The following DCAF5 variants were observed in gnomAD, a reference collection of about 807,000 sequenced individuals.
DCAF5 encodes the protein DDB1- and CUL4-associated factor 5.
DCAF5 carries 9 observed loss-of-function variants against 80.7 expected under a neutral mutation model. The observed-to-expected ratio is 0.11, with a 90% CI of 0.07 to 0.19. The LOEUF (loss-of-function observed/expected upper bound fraction) is 0.19, where lower values mean the gene tolerates loss of function less well. DCAF5 is among the 10% of genes least tolerant of loss of function. The probability of loss-of-function intolerance (pLI) is 1.00; values close to 1 mark genes in which losing one functional copy is unlikely to be tolerated. For synonymous variants in DCAF5, 433 were observed against 461.9 expected (o/e 0.94, Z 0.80); for missense variants, 842 against 1,205.7 (o/e 0.70, Z 4.47).
chr14:69,106,342 C>T (rs969060116), intron 5 of DCAF5, among the ~76,000 whole-genome samples: 2 of 152,020 alleles, frequency 1.3e-5, no homozygotes, highest in Non-Finnish European at 2.9e-5. Flanking sequence ...AGGCATGAGC[C>T]ACCGTGCCCA....
At chr14:69,122,406 A>T (rs751062441) in intron 1 of DCAF5, 46 bp from the exon 2 acceptor site, 2 of 1,580,582 alleles carry the variant, frequency 1.3e-6, no homozygotes, top group Non-Finnish European at 1.7e-6. Flanking sequence ...CTGACATCGC[A>T]AGGCTGACAG....
chr14:69,130,256 T>C (rs2041001369), intron 1 of DCAF5, among the ~76,000 whole-genome samples: 1 of 152,226 alleles, frequency 6.6e-6, no homozygotes. Flanking sequence ...TATCATTGTT[T>C]GAAGAGCCAA....
At chr14:69,140,673 T>A (rs1379911881) in intron 1 of DCAF5, among the ~76,000 whole-genome samples, 2 of 152,204 alleles carry the variant, frequency 1.3e-5, no homozygotes, top group Middle Eastern at 6.8e-3. Context: ...TAATAAGAAC[T>A]ATAAGATGAT....
At chr14:69,111,375 T>G (rs1307889600) in intron 5 of DCAF5, among the ~76,000 whole-genome samples, 1 of 152,166 alleles carries the variant, frequency 6.6e-6, no homozygotes, top group South Asian at 2.1e-4. Flanking sequence ...TTTACACAAG[T>G]GAAAGCACCG....
chr14:69,062,470 T>G lies in DCAF5; in HGVS notation c.988A>C (p.Lys330Gln). Residue 330 changes from lysine to glutamine, a missense_variant, in exon 8 of 9, where the codon AAA becomes CAA. This residue lies in a region of DCAF5 where 65 missense variants were observed against 191.3 expected (regional missense o/e 0.34). Coordinates refer to ENST00000341516, the MANE Select transcript of DCAF5 (RefSeq NM_003861.3). ...TGGTTAACAATAGATCGATGCCCTT[T>G]CAGCACCATGAAGGCTCCGTTGACC... ...RVVNGAFMVLKGHRSIVNQVR... is the reference protein window; with the variant it reads ...RVVNGAFMVLQGHRSIVNQVR... 1 of 1,613,734 alleles carries G rather than the reference T, an allele frequency of 6.2e-7. No individual in the cohort carries two copies. The highest frequency in any genetic ancestry group is 8.5e-7 in the Non-Finnish European group (1 of 1,179,722).
rs533236412 is a variant in DCAF5 at position 69,052,545 on chromosome 14, T to C, written c.*1312A>G. On this transcript the variant is annotated 3_prime_UTR_variant, in exon 9 of 9. Coordinates refer to ENST00000341516, the MANE Select transcript of DCAF5 (RefSeq NM_003861.3). ...CCTTCCTGTTTTGCACAACCCTTCATAGATAACCGAGTGACTGCAACGCTG... is the reference window on the plus strand; with the variant it reads ...CCTTCCTGTTTTGCACAACCCTTCACAGATAACCGAGTGACTGCAACGCTG... 2 of 152,792 alleles carry C rather than the reference T, an allele frequency of 1.3e-5. No homozygotes were observed. The highest frequency in any genetic ancestry group is 2.1e-4 in the South Asian group (1 of 4,828). The allele number at this position is 152,792 out of a possible 1,614,324, so 9.5% of individuals were successfully genotyped here.
intron 7 of DCAF5, among the ~76,000 whole-genome samples, chr14:69,069,638 T>C (rs2038605543): frequency 6.6e-6 from 1 of 152,172 alleles, no homozygotes; most frequent in Admixed American, 6.5e-5. Flanking sequence ...CTTTTCTTCT[T>C]TCTTTTTATT....
intron 6 of DCAF5, among the ~76,000 whole-genome samples, chr14:69,080,131 T>C (rs1198127532): frequency 6.6e-6 from 1 of 152,082 alleles, no homozygotes; most frequent in Non-Finnish European, 1.5e-5. Context: ...TTTTTAAGCT[T>C]TGTGGAAATA....
At chr14:69,120,493 G>A (rs80123288) in intron 2 of DCAF5, among the ~76,000 whole-genome samples, 6,440 of 152,094 alleles carry the variant, frequency 0.042, 176 homozygotes, top group African/African-American at 0.076. Flanking sequence ...TCTATCAAAG[G>A]ATATAAATTA....
chr14:69,054,163 G>T lies in DCAF5; in HGVS notation c.2523C>A (p.Pro841=), dbSNP rs1369840732. 1 of 1,614,236 alleles carries T rather than the reference G, an allele frequency of 6.2e-7. No homozygotes were observed. Among genetic ancestry groups the T allele is most frequent in the South Asian group, 1.1e-5 (1 of 91,090 alleles). ...TCTGCCCGTTATTGTGAGGGTGAGG[G>T]GGACGAGGGTGTAAGCGTCCATTGT... ...NHNNGRLHPR[P]PHPHNNGQNL... Residue 841 remains proline, a synonymous_variant, in exon 9 of 9, where the codon CCC becomes CCA. Transcript: ENST00000341516.
chr14:69,117,816 G>A (rs1485609331), intron 4 of DCAF5, among the ~76,000 whole-genome samples: 3 of 152,064 alleles, frequency 2.0e-5, no homozygotes, highest in South Asian at 2.1e-4. Flanking sequence ...AGTGCATAAC[G>A]CCCCCATTCT....
intron 5 of DCAF5, among the ~76,000 whole-genome samples, chr14:69,100,160 A>AT (rs2039900844): frequency 6.6e-6 from 1 of 152,364 alleles, no homozygotes; most frequent in Admixed American, 6.5e-5. Context: ...AGGAAGATAC[A>AT]TTAACTAGAC....
At chr14:69,092,996 T>C (rs2039585556) in intron 5 of DCAF5, among the ~76,000 whole-genome samples, 1 of 152,248 alleles carries the variant, frequency 6.6e-6, no homozygotes, top group African/African-American at 2.4e-5. Context: ...TCTAAATAAT[T>C]TCTTTTGATG....
At chr14:69,090,243 A>G in intron 6 of DCAF5, 1 of 364,816 alleles carries the variant, frequency 2.7e-6, no homozygotes, top group Non-Finnish European at 3.8e-6. Flanking sequence ...TAAATCAACC[A>G]TTCTGTATAT....
chr14:69,137,771 C>T (rs1024580895), intron 1 of DCAF5, among the ~76,000 whole-genome samples: 3 of 152,054 alleles, frequency 2.0e-5, no homozygotes, highest in African/African-American at 4.8e-5. Context: ...AACCAGGGTC[C>T]GAAAATATTA....
At chr14:69,098,759 G>A (rs1025653064) in intron 5 of DCAF5, among the ~76,000 whole-genome samples, 184 of 146,854 alleles carry the variant, frequency 1.3e-3, no homozygotes, top group Non-Finnish European at 2.0e-3. Context: ...TTAGCCGGGC[G>A]TAGTGGCAGG....
At chr14:69,062,681 C>T (rs1054265652) in intron 7 of DCAF5, among the ~76,000 whole-genome samples, 170 bp from the exon 8 acceptor site, 2 of 152,176 alleles carry the variant, frequency 1.3e-5, no homozygotes, top group African/African-American at 2.4e-5. Context: ...GAAGATGAAA[C>T]AGCTCTCAGC....
intron 6 of DCAF5, among the ~76,000 whole-genome samples, chr14:69,077,528 C>T (rs1458510856): frequency 2.0e-5 from 3 of 152,046 alleles, no homozygotes; most frequent in African/African-American, 7.2e-5. Flanking sequence ...GGACTACAGG[C>T]AGGCACCACC....
chr14:69,120,084 A>T (rs951191547), intron 2 of DCAF5, among the ~76,000 whole-genome samples: 2 of 151,458 alleles, frequency 1.3e-5, no homozygotes, highest in African/African-American at 4.9e-5. Flanking sequence ...TCTTTTAAAA[A>T]TTTTTCTTCT....
Sources: gnomAD v4.1 joint callset for allele counts (sites outside exome capture counted in the v4.1 genomes callset) on GRCh38, gnomAD v4.1.1 for gene constraint, gnomAD v4.1.1 regional missense constraint, MANE v1.5 for transcripts, NCBI Gene and HGNC (gene_info 2026-07-23, HGNC 2026-07-21) for gene names.